Variants in SELENOP observed in about 807,000 individuals in gnomAD.
SELENOP encodes the protein selenoprotein P, also known as selenoprotein P, plasma, 1.
In SELENOP, 36 loss-of-function variants were observed where a neutral mutation model predicts 41.0. The ratio of observed to expected loss-of-function variants is 0.88; its 90% CI spans 0.67 to 1.16. The LOEUF (loss-of-function observed/expected upper bound fraction) is 1.16. SELENOP is among the 50% of genes most tolerant of loss of function. The probability of loss-of-function intolerance (pLI) is 0.00; values close to 1 mark genes in which losing one functional copy is unlikely to be tolerated. For synonymous variants in SELENOP, 144 were observed against 150.8 expected (o/e 0.95, Z 0.33); for missense variants, 440 against 454.2 (o/e 0.97, Z 0.28).
chr5:42,800,559 TATGAC>T lies in SELENOP; in HGVS notation c.*156_*160del. 1 of 828,470 alleles carries T rather than the reference TATGAC, an allele frequency of 1.2e-6. No homozygotes were observed. The highest frequency in any genetic ancestry group is 1.8e-6 in the Non-Finnish European group (1 of 552,244). 51.3% of individuals were successfully genotyped at this position (828,470 alleles called of 1,614,324 possible). A position where few individuals can be genotyped will look rare whatever the true frequency, so the allele number is the denominator to read the frequency against. ...AAAATATGGTTTGAGTCAATATTTC[TATGAC>T]ATAAAATTTAAAATCTGGAAGCCAA... On this transcript the variant is annotated 3_prime_UTR_variant, in exon 5 of 5. Coordinates refer to ENST00000514985, the MANE Select transcript of SELENOP (RefSeq NM_005410.4).
intron 2 of SELENOP, 175 bp from the exon 3 acceptor site, chr5:42,807,283 ATTAC>A (rs1760354147): frequency 2.4e-6 from 1 of 416,012 alleles, no homozygotes; most frequent in Non-Finnish European, 4.4e-6. Context: ...CATTTTTAGA[ATTAC>A]TTAAAACTTG....
intron 4 of SELENOP, among the ~76,000 whole-genome samples, chr5:42,804,402 A>C (rs1760283830): frequency 6.6e-6 from 1 of 152,140 alleles, no homozygotes; most frequent in Non-Finnish European, 1.5e-5. Flanking sequence ...CGGAGCTTGC[A>C]GTGAGCCGAG....
intron 1 of SELENOP, chr5:42,809,738 T>A (rs1760419645): frequency 2.0e-5 from 17 of 859,842 alleles, no homozygotes; most frequent in Non-Finnish European, 2.1e-5. Context: ...TTTCACATTA[T>A]TTAACACATC....
rs772325068 is a variant in SELENOP, at chr5:42,806,910, G to A, written c.402C>T (p.Phe134=). 1.1e-5 allele frequency: 17 copies of A among 1,604,560 alleles called. No homozygotes were observed. The South Asian group carries it at 1.8e-4, about 17-fold the overall frequency. Reference sequence around the variant, plus strand: ...TATGTACAAACCTATCATATATGAGGAAGTCATCTTTGCTTCCATTTAAAA... The same window carrying A: ...TATGTACAAACCTATCATATATGAGAAAGTCATCTTTGCTTCCATTTAAAA... ...WTLLNGSKDD[F]LIYDRCGRLV... Residue 134 remains phenylalanine, a synonymous_variant, in exon 3 of 5, where the codon TTC becomes TTT. Transcript: ENST00000514985.
intron 2 of SELENOP, 83 bp downstream of exon 2, chr5:42,808,068 A>C: frequency 1.7e-6 from 1 of 597,134 alleles, no homozygotes; most frequent in Non-Finnish European, 2.6e-6. Flanking sequence ...CATTATTTAC[A>C]CTTTTATTTT....
intron 2 of SELENOP, 177 bp downstream of exon 2, chr5:42,807,974 A>T: frequency 2.6e-6 from 1 of 379,330 alleles, no homozygotes; most frequent in Non-Finnish European, 4.6e-6. Context: ...CCCACTGTAA[A>T]CATTTTGGTG....
intron 4 of SELENOP, 34 bp downstream of exon 4, chr5:42,804,622 C>T: frequency 7.9e-7 from 1 of 1,261,514 alleles, no homozygotes; most frequent in Non-Finnish European, 1.1e-6. Flanking sequence ...AAGATTTCCT[C>T]TTTTCTCCCC....
chr5:42,809,979 A>G (rs1760425206), intron 1 of SELENOP, among the ~76,000 whole-genome samples: 1 of 152,228 alleles, frequency 6.6e-6, no homozygotes, highest in Admixed American at 6.5e-5. Flanking sequence ...TATCCTTATT[A>G]TAGCTAATGT....
chr5:42,808,486 G>A (rs1034603823), intron 1 of SELENOP, 120 bp from the exon 2 acceptor site: 3 of 394,078 alleles, frequency 7.6e-6, no homozygotes, highest in African/African-American at 6.2e-5. Flanking sequence ...CATGAATTCT[G>A]TCTCCAGAAA....
intron 4 of SELENOP, among the ~76,000 whole-genome samples, chr5:42,802,643 A>C (rs971258479): frequency 6.6e-6 from 1 of 151,982 alleles, no homozygotes; most frequent in African/African-American, 2.4e-5. Context: ...ACGGAGTCTC[A>C]CTCTTTCGCC....
At chr5:42,811,408 T>C (rs1479531127) in intron 1 of SELENOP, among the ~76,000 whole-genome samples, 6 of 152,240 alleles carry the variant, frequency 3.9e-5, no homozygotes, top group Non-Finnish European at 8.8e-5. Flanking sequence ...TCCCTGGACA[T>C]TTCTACAACA....
Position 42,808,236 on chromosome 5 carries a change from C to A in SELENOP, c.118G>T (p.Asp40Tyr), listed in dbSNP as rs1203332682. ...GAACCATTGGAGTTTAGCATTGGAT[C>A]TTGATCTCTTATGCTCCAGGCTGGG... ...QPPAWSIRDQ[D>Y]PMLNSNGSVT... The change falls in exon 2 of 5, where the codon GAT becomes TAT. Residue 40 changes from aspartate to tyrosine, a missense_variant. Coordinates refer to ENST00000514985, the MANE Select transcript of SELENOP (RefSeq NM_005410.4). 4.4e-6 allele frequency: 7 copies of A among 1,581,650 alleles called. No individual in the cohort carries two copies. The South Asian group carries it at 8.1e-5, about 18-fold the overall frequency.
chr5:42,810,767 T>C, intron 1 of SELENOP: 2 of 1,104,620 alleles, frequency 1.8e-6, no homozygotes, highest in South Asian at 2.2e-5. Context: ...CCAGAGCACA[T>C]ATTGCAAGTA....
At chr5:42,809,877 A>C in intron 1 of SELENOP, 1 of 245,098 alleles carries the variant, frequency 4.1e-6, no homozygotes, top group Non-Finnish European at 6.0e-6. Flanking sequence ...TTAATATTTA[A>C]AATATTCTAA....
intron 1 of SELENOP, among the ~76,000 whole-genome samples, chr5:42,809,583 G>A (rs1196570559): frequency 6.6e-6 from 1 of 152,188 alleles, no homozygotes. Flanking sequence ...TTTAAAAGCA[G>A]ATGCATTTCT....
chr5:42,807,200 A>T, intron 2 of SELENOP, 92 bp from the exon 3 acceptor site: 2 of 631,942 alleles, frequency 3.2e-6, no homozygotes, highest in South Asian at 2.2e-5. Flanking sequence ...TCTATGTGAA[A>T]CTCTCCTTCT....
intron 4 of SELENOP, among the ~76,000 whole-genome samples, chr5:42,803,699 G>A (rs1760262092): frequency 6.6e-6 from 1 of 152,120 alleles, no homozygotes; most frequent in African/African-American, 2.4e-5. Context: ...AGGAAAACAA[G>A]TCTAGTTAAT....
Position 42,808,145 on chromosome 5 carries a change from T to C in SELENOP, c.203+6A>G, listed in dbSNP as rs1289295165. The stretch of plus-strand genomic sequence containing the variant: ...GGTATTTTAAGCCACAGAAAGACTG[T>C]CTTACTTAGATGCCTGCAGTATGCA... On this transcript the variant is annotated splice_donor_region_variant and intron_variant, in intron 2 of 4. Transcript: ENST00000514985. 2.0e-6 allele frequency: 3 copies of C among 1,474,988 alleles called. No individual in the cohort carries two copies. Among genetic ancestry groups the C allele is most frequent in the Non-Finnish European group, 2.7e-6 (3 of 1,104,760 alleles). 91.4% of individuals were successfully genotyped at this position (1,474,988 alleles called of 1,614,324 possible).
intron 4 of SELENOP, 66 bp downstream of exon 4, chr5:42,804,590 G>C: frequency 1.2e-6 from 1 of 845,786 alleles, no homozygotes; most frequent in South Asian, 1.8e-5. Context: ...TTCTAAATAA[G>C]TGTTTCATGA....
Sources: gnomAD v4.1 joint callset for allele counts (sites outside exome capture counted in the v4.1 genomes callset) on GRCh38, gnomAD v4.1.1 for gene constraint, MANE v1.5 for transcripts, NCBI Gene and HGNC (gene_info 2026-07-23, HGNC 2026-07-21) for gene names.